Variants in MAJIN observed in about 807,000 individuals in gnomAD.
MAJIN encodes membrane-anchored junction protein.
A neutral mutation model predicts 30.2 loss-of-function variants in MAJIN; 27 were observed. That is an observed-to-expected ratio of 0.89 (90% CI 0.66 to 1.23). MAJIN has a LOEUF of 1.23. Among genes scored for constraint, MAJIN ranks in the 50% most tolerant of loss-of-function variants. The pLI is 0.00. For synonymous variants in MAJIN, 78 were observed against 91.6 expected, an observed-to-expected ratio of 0.85 and a Z score of 0.85; for missense variants, 253 against 260.3, an observed-to-expected ratio of 0.97 and a Z score of 0.19.
intron 8 of MAJIN, among the ~76,000 whole-genome samples, 185 bp from the exon 9 acceptor site, chr11:64,940,831 C>CTTTTTTTTTTTTT (rs1945364488): frequency 1.2e-5 from 1 of 85,044 alleles, no homozygotes; most frequent in Non-Finnish European, 2.3e-5. Context: ...TTCTTTTTTT[C>CTTTTTTTTTTTTT]TTTCTTTTTT....
At chr11:64,968,489 G>T (rs616341) in intron 1 of MAJIN, among the ~76,000 whole-genome samples, 81,320 of 151,114 alleles carry the variant, frequency 0.54, 23,640 homozygotes, top group Non-Finnish European at 0.67. Context: ...CTCGAACTCC[G>T]GAGCTCAAGT....
intron 10 of MAJIN, 33 bp from the exon 11 acceptor site, chr11:64,938,606 C>CT (rs1384556630): frequency 8.5e-6 from 13 of 1,529,654 alleles, no homozygotes; most frequent in Middle Eastern, 3.3e-4. Flanking sequence ...GGCTGAGACT[C>CT]TATGAGGTCT....
chr11:64,943,225 C>T (rs1353387562), intron 8 of MAJIN, among the ~76,000 whole-genome samples: 1 of 152,182 alleles, frequency 6.6e-6, no homozygotes, highest in Non-Finnish European at 1.5e-5. Context: ...CAAAATGCGA[C>T]GTGCAGTTAC....
At chr11:64,969,033 A>G (rs1945856094) in intron 1 of MAJIN, among the ~76,000 whole-genome samples, 1 of 152,182 alleles carries the variant, frequency 6.6e-6, no homozygotes, top group Non-Finnish European at 1.5e-5. Context: ...GATTTGAGAT[A>G]TACTTTAGAC....
intron 1 of MAJIN, among the ~76,000 whole-genome samples, chr11:64,971,406 C>T (rs1453908596): frequency 1.6e-5 from 2 of 123,522 alleles, no homozygotes; most frequent in Admixed American, 2.0e-4. Context: ...CCAGCCTGGG[C>T]GACAGAGCGA....
In MAJIN at chr11:64,939,704, G is replaced by A. The variant is rs1945345086; in HGVS notation, c.610C>T (p.His204Tyr). Residue 204 changes from histidine to tyrosine, a missense_variant, in exon 10 of 11, where the codon CAC becomes TAC. Coordinates refer to ENST00000301896, the MANE Select transcript of MAJIN (RefSeq NM_001037225.3). ...LSHPCSTTHL[H>Y]LRSEQPPASL... ...GCCGGTGGCTGCTCGCTCCTTAGGT[G>A]GAGGTGAGTTGTGCTGCAGGGGTGG... 1.9e-6 allele frequency: 3 copies of A among 1,614,136 alleles called. No homozygotes were observed. The highest frequency in any genetic ancestry group is 2.5e-6 in the Non-Finnish European group (3 of 1,180,008).
At position 64,968,840 on chromosome 11, in the gene MAJIN, A is replaced by C. The variant is rs1945852665; in HGVS notation, c.-65+3037T>G. Among the ~76,000 whole-genome samples the C allele has an allele frequency of 2.6e-5, 4 of 151,748 alleles. No homozygotes were observed. The South Asian group carries it at 6.3e-4, about 24-fold the overall frequency. On this transcript the variant is annotated intron_variant, in intron 1 of 10. Transcript: ENST00000301896. The stretch of plus-strand genomic sequence containing the variant: ...GAGCGAGACTCTGTCTCAAAAAAAA[A>C]AAAAACAAGAATGAGCCACCAAGCT...
At chr11:64,965,528 A>G (rs1042980809) in intron 1 of MAJIN, among the ~76,000 whole-genome samples, 2 of 152,132 alleles carry the variant, frequency 1.3e-5, no homozygotes, top group African/African-American at 4.8e-5. Context: ...AACCATCCTA[A>G]GAGCTAATGA....
At chr11:64,949,140 T>G (rs1371200987) in intron 6 of MAJIN, among the ~76,000 whole-genome samples, 1 of 143,506 alleles carries the variant, frequency 7.0e-6, no homozygotes, top group African/African-American at 2.6e-5. Flanking sequence ...CGGTGCAATA[T>G]AGTCAGACCC....
chr11:64,970,656 T>G (rs1242260683), intron 1 of MAJIN, among the ~76,000 whole-genome samples: 2 of 151,342 alleles, frequency 1.3e-5, no homozygotes, highest in Non-Finnish European at 2.9e-5. Flanking sequence ...TGAGCCACCG[T>G]GCCTGGCCCA....
chr11:64,939,486 A>G (rs963597448), intron 10 of MAJIN, among the ~76,000 whole-genome samples, 176 bp downstream of exon 10: 4 of 152,246 alleles, frequency 2.6e-5, no homozygotes, highest in Non-Finnish European at 5.9e-5. Context: ...CACAGTCTTT[A>G]TTAAATGCAC....
intron 3 of MAJIN, among the ~76,000 whole-genome samples, chr11:64,958,620 AAG>A (rs1369967047): frequency 1.3e-5 from 2 of 150,646 alleles, no homozygotes; most frequent in African/African-American, 4.8e-5. Context: ...AAAAAAAAGA[AAG>A]AAAAATTGCA....
At position 64,939,915 on chromosome 11, in the gene MAJIN, C is replaced by G. The variant is rs746740789; in HGVS notation, c.547-148G>C. 5 of 612,316 alleles carry G rather than the reference C, an allele frequency of 8.2e-6. No individual in the cohort carries two copies. In the Admixed American group the frequency reaches 1.6e-4, roughly 19 times the overall value. 37.9% of individuals were successfully genotyped at this position (612,316 alleles called of 1,614,324 possible). ...GATGAATTGTTTGTTCTGACCTTCC[C>G]AATTTCATCTCAGCTCAGTAAGATG... On this transcript the variant is annotated intron_variant, in intron 9 of 10. Transcript: ENST00000301896.
At chr11:64,968,835 A>G (rs1256089870) in intron 1 of MAJIN, among the ~76,000 whole-genome samples, 5 of 151,714 alleles carry the variant, frequency 3.3e-5, no homozygotes, top group Non-Finnish European at 5.9e-5. Context: ...CTGTCTCAAA[A>G]AAAAAAAAAA....
At chr11:64,942,800 C>T (rs1358533079) in intron 8 of MAJIN, among the ~76,000 whole-genome samples, 1 of 152,184 alleles carries the variant, frequency 6.6e-6, no homozygotes, top group Non-Finnish European at 1.5e-5. Flanking sequence ...GGGCCAAGCT[C>T]TGGTTTCTGG....
intron 3 of MAJIN, among the ~76,000 whole-genome samples, chr11:64,955,917 G>A (rs375058667): frequency 2.8e-4 from 43 of 152,232 alleles, no homozygotes; most frequent in South Asian, 6.2e-4. Context: ...TGTTAATCCC[G>A]GCGCTTTGGG....
rs1257218943 is a variant in MAJIN at position 64,950,416 on chromosome 11, C to G, written c.162G>C (p.Val54=). 6.2e-7 allele frequency: 1 copy of G among 1,612,686 alleles called. No individual in the cohort carries two copies. The highest frequency in any genetic ancestry group is 8.5e-7 in the Non-Finnish European group (1 of 1,179,594). ...GAAGATTGTCCAAGTTTCCCAAGAC[C>G]ACGCGGACAGAATCCTGAAAAACAT... The part of the protein sequence containing the change: ...ITQELEDSVR[V]VLGNLDNLQP... The change falls in exon 5 of 11, where the codon GTG becomes GTC. Residue 54 remains valine (V), a synonymous_variant. Transcript: ENST00000301896.
chr11:64,962,566 A>G (rs1186663562), intron 1 of MAJIN, among the ~76,000 whole-genome samples: 4 of 152,202 alleles, frequency 2.6e-5, no homozygotes, highest in Non-Finnish European at 5.9e-5. Context: ...GCAGTATGGG[A>G]TAGTGCAAAA....
intron 9 of MAJIN, among the ~76,000 whole-genome samples, chr11:64,940,257 C>T (rs527773097): frequency 6.6e-5 from 10 of 152,332 alleles, no homozygotes; most frequent in African/African-American, 2.4e-4. Flanking sequence ...AAGGGAAACA[C>T]AACCCTCTCA....
Sources: allele counts gnomAD v4.1 joint callset (sites outside exome capture counted in the v4.1 genomes callset), GRCh38; gene constraint gnomAD v4.1.1; transcripts MANE v1.5; gene names NCBI Gene and HGNC (gene_info 2026-07-23, HGNC 2026-07-21).